The following KDM4B variants were observed in gnomAD, a reference collection of about 807,000 sequenced individuals.
KDM4B encodes the protein lysine demethylase 4B.
In KDM4B, 32 loss-of-function variants were observed where a neutral mutation model predicts 125.2. The observed-to-expected ratio is 0.26, with a 90% CI of 0.19 to 0.34. KDM4B has a LOEUF of 0.34. Among genes scored for constraint, KDM4B ranks in the 10% least tolerant of loss-of-function variants. KDM4B has a pLI of 1.00. For missense variants in KDM4B, 1,190 were observed against 1,577.7 expected, an observed-to-expected ratio of 0.75 and a Z score of 4.16; for synonymous variants, 721 against 677.9, an observed-to-expected ratio of 1.06 and a Z score of -0.99.
intron 3 of KDM4B, 48 bp from the exon 4 acceptor site, chr19:5,039,788 T>C (rs1243395798): frequency 1.3e-6 from 2 of 1,588,060 alleles, no homozygotes; most frequent in Non-Finnish European, 8.6e-7. Flanking sequence ...TCTCTGGCCC[T>C]GCCCTGAGGG....
chr19:5,151,426 C>T lies in KDM4B; in HGVS notation c.3206C>T (p.Thr1069Met), dbSNP rs776358687. 2.5e-5 allele frequency: 39 copies of T among 1,568,430 alleles called. No homozygotes were observed. Among genetic ancestry groups the T allele is most frequent in the Admixed American group, 5.5e-5 (3 of 54,550 alleles). Residue 1069 changes from threonine to methionine, a missense_variant, in exon 23 of 23, where the codon ACG (threonine) becomes ATG (methionine). Physicochemically the swap from Thr to Met is moderately conservative, Grantham distance 81. Around this residue, in one of 7 missense-constraint regions of KDM4B, gnomAD observed 109 missense variants for 93.8 expected, o/e 1.16. Coordinates refer to ENST00000159111, the MANE Select transcript of KDM4B (RefSeq NM_015015.3). ...KRPRVGTPLA[T>M]EDSGRSQDYV... ...CCGCGTGTGGGCACCCCGCTTGCCA[C>T]GGAGGACTCCGGGCGGAGCCAGGAC...
rs368629085 is a variant in KDM4B at position 5,138,790 on chromosome 19, A to G, written c.2550+720A>G. Reference sequence around the variant, plus strand: ...TCTGCGGCCCGCTCACCCGTCCTGTATAACTGACACTTCACACGTGCTAAG... The same window carrying G: ...TCTGCGGCCCGCTCACCCGTCCTGTGTAACTGACACTTCACACGTGCTAAG... On this transcript the variant is annotated intron_variant, in intron 18 of 22. Transcript: ENST00000159111. Among the ~76,000 whole-genome samples the G allele has an allele frequency of 1.5e-4, 23 of 152,358 alleles. No individual in the cohort carries two copies. The South Asian group carries it at 3.3e-3, about 22-fold the overall frequency.
At chr19:5,122,457 T>A (rs1332617232) in intron 11 of KDM4B, among the ~76,000 whole-genome samples, 1 of 152,218 alleles carries the variant, frequency 6.6e-6, no homozygotes, top group African/African-American at 2.4e-5. Context: ...TTCCTCTGCC[T>A]GCCACATGCT....
At chr19:5,072,571 G>C (rs1485044578) in intron 7 of KDM4B, among the ~76,000 whole-genome samples, 1 of 152,190 alleles carries the variant, frequency 6.6e-6, no homozygotes, top group African/African-American at 2.4e-5. Flanking sequence ...AGCTGTGAAA[G>C]AAAAGCTAGA....
chr19:5,098,868 A>G (rs2038878335), intron 9 of KDM4B, among the ~76,000 whole-genome samples: 1 of 152,186 alleles, frequency 6.6e-6, no homozygotes, highest in East Asian at 1.9e-4. Flanking sequence ...CTCCAGAACC[A>G]TAAGAAATAA....
chr19:5,144,220 G>GC, intron 19 of KDM4B, 28 bp from the exon 20 acceptor site: 4 of 1,417,384 alleles, frequency 2.8e-6, no homozygotes, highest in Middle Eastern at 1.8e-4. Flanking sequence ...CGCGCTGACC[G>GC]CCCCCCACAC....
Position 4,987,666 on chromosome 19 carries a change from T to G in KDM4B, c.-109+18436T>G, listed in dbSNP as rs562869403. On this transcript the variant is annotated intron_variant, in intron 1 of 22. Transcript: ENST00000159111. Reference sequence around the variant, plus strand: ...AGGGGCTTGTCCGGGATGGCAATGCTTCTGCTGTCAGGCCTCCCAAAGTGC... The same window carrying G: ...AGGGGCTTGTCCGGGATGGCAATGCGTCTGCTGTCAGGCCTCCCAAAGTGC... Among the ~76,000 whole-genome samples, 84 of 152,340 alleles carry G rather than the reference T, an allele frequency of 5.5e-4. 1 individual carries two copies. Among genetic ancestry groups the G allele is most frequent in the African/African-American group, 1.7e-3 (72 of 41,582 alleles).
rs1226323576 is a variant in KDM4B at position 5,039,826 on chromosome 19, G to T, written c.142-10G>T. 6.2e-7 allele frequency: 1 copy of T among 1,610,968 alleles called. No homozygotes were observed. Among genetic ancestry groups the T allele is most frequent in the South Asian group, 1.1e-5 (1 of 90,894 alleles). On this transcript the variant is annotated splice_polypyrimidine_tract_variant and intron_variant, in intron 3 of 22. Transcript: ENST00000159111. ...TGAGGGTGCCACTGACTCCCATCTTGGTCTTGCAGATCATCCCCCCGAAGG... is the reference window on the plus strand; with the variant it reads ...TGAGGGTGCCACTGACTCCCATCTTTGTCTTGCAGATCATCCCCCCGAAGG...
At chr19:5,086,265 T>C (rs2038492583) in intron 9 of KDM4B, among the ~76,000 whole-genome samples, 1 of 138,176 alleles carries the variant, frequency 7.2e-6, no homozygotes, top group East Asian at 2.6e-4. Flanking sequence ...GCCACCCTCC[T>C]GCCCTGGCCG....
intron 1 of KDM4B, among the ~76,000 whole-genome samples, chr19:4,986,711 A>C (rs551143517): frequency 6.6e-6 from 1 of 152,088 alleles, no homozygotes; most frequent in Non-Finnish European, 1.5e-5. Flanking sequence ...TCAGTCAGAG[A>C]CCTCTGAGCG....
At chr19:5,066,828 TC>T (rs1380245980) in intron 6 of KDM4B, among the ~76,000 whole-genome samples, 1 of 152,134 alleles carries the variant, frequency 6.6e-6, no homozygotes, top group African/African-American at 2.4e-5. Context: ...TGTACAGCAT[TC>T]CAGAACAGAG....
chr19:5,004,332 C>T (rs2035488440), intron 1 of KDM4B, among the ~76,000 whole-genome samples: 1 of 152,316 alleles, frequency 6.6e-6, no homozygotes, highest in East Asian at 1.9e-4. Context: ...CACAGGCCCT[C>T]GCTCCCTCCT....
In KDM4B at chr19:5,027,901, C is replaced by A. The variant is rs2036331406; in HGVS notation, c.-25-4965C>A. Among the ~76,000 whole-genome samples, 4 of 152,174 alleles carry A rather than the reference C, an allele frequency of 2.6e-5. No homozygotes were observed. In the South Asian group the frequency reaches 8.3e-4, roughly 32 times the overall value. ...TATAATTTGCACACTCATTTGTTCA[C>A]CCATTTAAAGTGTCCAGTTCCACAG... is the stretch of plus-strand genomic sequence containing the variant. On this transcript the variant is annotated intron_variant, in intron 2 of 22. Coordinates refer to ENST00000159111, the MANE Select transcript of KDM4B (RefSeq NM_015015.3).
chr19:5,001,809 T>C (rs1028228137), intron 1 of KDM4B, among the ~76,000 whole-genome samples: 1 of 152,206 alleles, frequency 6.6e-6, no homozygotes, highest in African/African-American at 2.4e-5. Context: ...TGATTGTTCC[T>C]GTAGTTATGA....
rs1454595551 is a variant in KDM4B, at chr19:4,997,164, C to T, written c.-108-19093C>T. Among the ~76,000 whole-genome samples, 1 of 152,218 alleles carries T rather than the reference C, an allele frequency of 6.6e-6. No individual in the cohort carries two copies. The highest frequency in any genetic ancestry group is 2.4e-5 in the African/African-American group (1 of 41,446). ...CACGATCAGCCTTGGTGGAGAACCCCTGTTTTGGAATAACCCTTTCTGTAC... is the reference window on the plus strand; with the variant it reads ...CACGATCAGCCTTGGTGGAGAACCCTTGTTTTGGAATAACCCTTTCTGTAC... On this transcript the variant is annotated intron_variant, in intron 1 of 22. Transcript: ENST00000159111. This position sits in a 1 kb window ranked among gnomAD's most constrained non-coding sequence, Gnocchi z 4.2.
At chr19:5,131,736 G>A in intron 12 of KDM4B, 151 bp from the exon 13 acceptor site, 1 of 956,310 alleles carries the variant, frequency 1.0e-6, no homozygotes, top group Non-Finnish European at 1.6e-6. Flanking sequence ...TGTACTTAGA[G>A]AACAGAGGAG....
intron 6 of KDM4B, 58 bp downstream of exon 6, chr19:5,047,727 C>T: frequency 6.4e-7 from 1 of 1,552,284 alleles, no homozygotes; most frequent in Non-Finnish European, 8.8e-7. Flanking sequence ...GGGAGGGAGT[C>T]AATCCCGGGT....
At chr19:5,021,237 G>A (rs2036110870) in intron 2 of KDM4B, among the ~76,000 whole-genome samples, 1 of 152,064 alleles carries the variant, frequency 6.6e-6, no homozygotes, top group Non-Finnish European at 1.5e-5. Flanking sequence ...CTGACATCAT[G>A]TGCTGTTTTG....
chr19:5,097,882 C>A (rs553274313), intron 9 of KDM4B, among the ~76,000 whole-genome samples: 1 of 152,224 alleles, frequency 6.6e-6, no homozygotes, highest in Non-Finnish European at 1.5e-5. Context: ...GAGATGGGAA[C>A]CCTCCTCCTC....
Sources: gnomAD v4.1 joint callset for allele counts (sites outside exome capture counted in the v4.1 genomes callset) on GRCh38, gnomAD v4.1.1 for gene constraint, gnomAD v4.1.1 regional missense constraint, Gnocchi (gnomAD v3.1) non-coding constraint, MANE v1.5 for transcripts, NCBI Gene and HGNC (gene_info 2026-07-23, HGNC 2026-07-21) for gene names.